FLYWCH1: variants seen among roughly 807,000 people sequenced by gnomAD.
The protein encoded by FLYWCH1 is FLYWCH-type zinc finger 1.
Under a neutral mutation model 66.4 loss-of-function variants are expected in FLYWCH1, and 75 were observed. The observed-to-expected ratio is 1.13, with a 90% CI of 0.94 to 1.37. The LOEUF (loss-of-function observed/expected upper bound fraction) is 1.37, where lower values mean the gene tolerates loss of function less well. Ranked by LOEUF, FLYWCH1 falls within the 40% of genes most tolerant of loss-of-function variation. The pLI is 0.00. For synonymous variants in FLYWCH1, 595 were observed against 429.9 expected (o/e 1.38, Z -4.75); for missense variants, 1,334 against 1,001.8 (o/e 1.33, Z -4.48).
At chr16:2,921,350 A>C (rs1280511753) in intron 2 of FLYWCH1, among the ~76,000 whole-genome samples, 1 of 71,684 alleles carries the variant, frequency 1.4e-5, no homozygotes, top group Non-Finnish European at 3.3e-5. Flanking sequence ...CAATTTTAGG[A>C]CTTTTTTTTT....
rs1055578537 is a variant in FLYWCH1, at chr16:2,930,691, C to T, written c.607C>T (p.Gln203Ter). The T allele has an allele frequency of 4.5e-6, 7 of 1,544,342 alleles. No individual in the cohort carries two copies. In the Admixed American group the frequency reaches 9.9e-5, roughly 22 times the overall value. The change falls in exon 4 of 10, where the codon CAG (glutamine) becomes TAG (stop). Residue 203 changes from glutamine to a stop codon, truncating the protein, a stop_gained. Transcript: ENST00000253928. LOFTEE classifies it high-confidence loss of function. ...LALPEGLGEP[Q>*]GPEGPGGRVE... ...CCTGCCAGAGGGCTTGGGAGAGCCCCAGGGTCCTGAGGGCCCTGGAGGCCG... is the reference window on the plus strand; with the variant it reads ...CCTGCCAGAGGGCTTGGGAGAGCCCTAGGGTCCTGAGGGCCCTGGAGGCCG...
intron 9 of FLYWCH1, 81 bp from the exon 10 acceptor site, chr16:2,948,607 C>G: frequency 1.4e-6 from 2 of 1,447,286 alleles, no homozygotes; most frequent in South Asian, 1.2e-5. Flanking sequence ...AAAAAGGATT[C>G]CAGGAATCCT....
rs147823025 is a variant in FLYWCH1, at chr16:2,925,779, A to G, written c.-73-3834A>G. On this transcript the variant is annotated intron_variant, in intron 2 of 9. Transcript: ENST00000253928. ...GTGTGGTGGGACTGGCCCTCCTGGT[A>G]CCTGTGATTTCCTGGGGACCGGGCC... Among the ~76,000 whole-genome samples, 100 of 151,986 alleles carry G rather than the reference A, an allele frequency of 6.6e-4. No individual in the cohort carries two copies. In the South Asian group the frequency reaches 7.3e-3, roughly 11 times the overall value.
chr16:2,926,341 T>G (rs953697253), intron 2 of FLYWCH1, among the ~76,000 whole-genome samples: 45 of 152,214 alleles, frequency 3.0e-4, no homozygotes, highest in African/African-American at 1.0e-3. Context: ...TGGGCCATTA[T>G]TAAAGCAGCT....
At position 2,933,987 on chromosome 16, in the gene FLYWCH1, G is replaced by C. The variant is rs1406319023; in HGVS notation, c.1513+8G>C. The C allele has an allele frequency of 1.3e-6, 2 of 1,514,164 alleles. No homozygotes were observed. Among genetic ancestry groups the C allele is most frequent in the East Asian group, 4.9e-5 (2 of 40,556 alleles). The allele number at this position is 1,514,164 out of a possible 1,614,324, so 93.8% of individuals were successfully genotyped here. ...CGCAGCGGGGGAGCCCAGGTACCTG[G>C]GGGTGGGCTGGGAGCTGGGCCCCAG... On this transcript the variant is annotated splice_region_variant and intron_variant, in intron 6 of 9. Coordinates refer to ENST00000253928, the MANE Select transcript of FLYWCH1 (RefSeq NM_001308068.2).
intron 6 of FLYWCH1, chr16:2,936,852 C>T (rs1358850679): frequency 1.1e-5 from 7 of 632,430 alleles, no homozygotes; most frequent in Non-Finnish European, 2.1e-5. Flanking sequence ...ACGCAGCAGA[C>T]ACTGCCTCCC....
intron 9 of FLYWCH1, among the ~76,000 whole-genome samples, chr16:2,945,426 C>T (rs1302258453): frequency 7.0e-6 from 1 of 142,938 alleles, no homozygotes; most frequent in Non-Finnish European, 1.5e-5. Context: ...TTGGAGGTTG[C>T]AGTGAGCCGA....
rs370306017 is a variant in FLYWCH1, at chr16:2,933,188, C to A, written c.855C>A (p.His285Gln). The A allele has an allele frequency of 6.9e-5, 111 of 1,613,540 alleles. No homozygotes were observed. Among genetic ancestry groups the A allele is most frequent in the Non-Finnish European group, 9.0e-5 (106 of 1,179,842 alleles). Reference sequence around the variant, plus strand: ...GCTACGGGGGCAGCTTCCTGGTACACGAGTCGTTCCTCTACAAGCGGGAGA... The same window carrying A: ...GCTACGGGGGCAGCTTCCTGGTACAAGAGTCGTTCCTCTACAAGCGGGAGA... ...RTCYGGSFLVHESFLYKREKA... is the reference protein window; with the variant it reads ...RTCYGGSFLVQESFLYKREKA... Residue 285 changes from histidine (H) to glutamine (Q), a missense_variant, in exon 5 of 10, where the codon CAC becomes CAA. Coordinates refer to ENST00000253928, the MANE Select transcript of FLYWCH1 (RefSeq NM_001308068.2).
rs534428392 is a variant in FLYWCH1 at position 2,938,062 on chromosome 16, C to G, written c.1778-122C>G. The G allele has an allele frequency of 3.2e-6, 3 of 945,972 alleles. 1 individual carries two copies. Among genetic ancestry groups the G allele is most frequent in the South Asian group, 3.4e-5 (2 of 58,594 alleles). 58.6% of individuals were successfully genotyped at this position (945,972 alleles called of 1,614,324 possible). A position where few individuals can be genotyped will look rare whatever the true frequency, so the allele number is the denominator to read the frequency against. Reference sequence around the variant, plus strand: ...CAGAGGGGAGGAGGGCAGGGACCACCGTGCAGCGTGCTAGGGGATCGCAGA... The same window carrying G: ...CAGAGGGGAGGAGGGCAGGGACCACGGTGCAGCGTGCTAGGGGATCGCAGA... On this transcript the variant is annotated intron_variant, in intron 7 of 9. Coordinates refer to ENST00000253928, the MANE Select transcript of FLYWCH1 (RefSeq NM_001308068.2).
intron 6 of FLYWCH1, chr16:2,936,364 C>T (rs1233534230): frequency 2.2e-6 from 1 of 456,476 alleles, no homozygotes; most frequent in South Asian, 1.5e-5. Flanking sequence ...CAGGGTCCTC[C>T]TGCCTCCCGA....
intron 2 of FLYWCH1, among the ~76,000 whole-genome samples, chr16:2,918,981 T>C (rs1426943501): frequency 1.3e-5 from 2 of 151,758 alleles, no homozygotes; most frequent in African/African-American, 4.8e-5. Flanking sequence ...AGAGTCTCCC[T>C]CTTTTGCCCA....
chr16:2,936,946 A>G, intron 6 of FLYWCH1, 175 bp from the exon 7 acceptor site: 1 of 854,444 alleles, frequency 1.2e-6, no homozygotes, highest in Non-Finnish European at 1.8e-6. Context: ...GGCGGACCCC[A>G]GCAGCTGGAG....
chr16:2,927,734 C>T (rs1037606352), intron 2 of FLYWCH1, among the ~76,000 whole-genome samples: 1 of 152,194 alleles, frequency 6.6e-6, no homozygotes, highest in South Asian at 2.1e-4. Flanking sequence ...ACACTGGGCG[C>T]CAGGTGAAGG....
chr16:2,949,076 G>T lies in FLYWCH1; in HGVS notation c.*349G>T. On this transcript the variant is annotated 3_prime_UTR_variant, in exon 10 of 10. Transcript: ENST00000253928. ...GTTTGCAGAGCACGCAGCCTTCCTA[G>T]GGCTTTCCACCTGGCGAGGCCCCGC... The T allele has an allele frequency of 2.8e-6, 1 of 356,550 alleles. No individual in the cohort carries two copies. Among genetic ancestry groups the T allele is most frequent in the Non-Finnish European group, 5.3e-6 (1 of 187,266 alleles). The allele number at this position is 356,550 out of a possible 1,614,324, so 22.1% of individuals were successfully genotyped here. A position where few individuals can be genotyped will look rare whatever the true frequency, so the allele number is the denominator to read the frequency against.
At chr16:2,926,848 A>G (rs374962527) in intron 2 of FLYWCH1, among the ~76,000 whole-genome samples, 1 of 152,198 alleles carries the variant, frequency 6.6e-6, no homozygotes, top group Non-Finnish European at 1.5e-5. Flanking sequence ...CTAAACCACA[A>G]TGGCCAACTC....
chr16:2,940,175 A>T (rs1312741986), intron 9 of FLYWCH1, 83 bp downstream of exon 9: 5 of 732,852 alleles, frequency 6.8e-6, no homozygotes, highest in Non-Finnish European at 1.2e-5. Context: ...TTGCTGTCTC[A>T]GCTTTTGTGG....
At chr16:2,938,134 T>G (rs773125779) in intron 7 of FLYWCH1, 50 bp from the exon 8 acceptor site, 18 of 1,572,632 alleles carry the variant, frequency 1.1e-5, no homozygotes, top group Non-Finnish European at 1.5e-5. Flanking sequence ...CCCCCAGCCC[T>G]GCCACCCAGG....
chr16:2,941,837 A>G (rs1448511573), intron 9 of FLYWCH1, among the ~76,000 whole-genome samples: 1 of 152,008 alleles, frequency 6.6e-6, no homozygotes, highest in Non-Finnish European at 1.5e-5. Context: ...CCTGACCAAC[A>G]TGGTGAAACC....
At chr16:2,938,588 G>C (rs1333247659) in intron 8 of FLYWCH1, 132 bp downstream of exon 8, 15 of 599,046 alleles carry the variant, frequency 2.5e-5, no homozygotes, top group Non-Finnish European at 3.2e-5. Flanking sequence ...CATATAAACA[G>C]AATGTGAAAC....
Sources: gnomAD v4.1 joint callset for allele counts (sites outside exome capture counted in the v4.1 genomes callset) on GRCh38, gnomAD v4.1.1 for gene constraint, MANE v1.5 for transcripts, NCBI Gene and HGNC (gene_info 2026-07-23, HGNC 2026-07-21) for gene names.